The following SEPTIN7 variants were observed in gnomAD, a reference collection of about 807,000 sequenced individuals.
SEPTIN7 encodes the protein septin 7.
In SEPTIN7, 10 loss-of-function variants were observed where a neutral mutation model predicts 63.3. The ratio of observed to expected loss-of-function variants is 0.16; its 90% CI spans 0.10 to 0.27. The LOEUF (loss-of-function observed/expected upper bound fraction) is 0.27. SEPTIN7 is among the 10% of genes least tolerant of loss of function. The pLI is 1.00. For missense variants in SEPTIN7, 310 were observed against 521.0 expected, an observed-to-expected ratio of 0.59 and a Z score of 3.94; for synonymous variants, 131 against 165.3, an observed-to-expected ratio of 0.79 and a Z score of 1.59.
chr7:35,839,069 A>G (rs2115950983), intron 3 of SEPTIN7, among the ~76,000 whole-genome samples: 1 of 152,294 alleles, frequency 6.6e-6, no homozygotes. Flanking sequence ...ATTTAGGGAG[A>G]TAGGCAAACA....
rs188036169 is a variant in SEPTIN7 at position 35,837,637 on chromosome 7, C to G, written c.169+4737C>G. On this transcript the variant is annotated intron_variant, in intron 3 of 13. Coordinates refer to ENST00000350320, the MANE Select transcript of SEPTIN7 (RefSeq NM_001788.6). ...TTGTATGCTCATCAAGTGTTGACAG[C>G]ACTGTTTTTCCTGAATACTGCCAAC... is the stretch of plus-strand genomic sequence containing the variant. Among the ~76,000 whole-genome samples the G allele has an allele frequency of 2.7e-3, 404 of 152,296 alleles. 2 individuals are homozygous for G. The highest frequency in any genetic ancestry group is 9.3e-3 in the African/African-American group (387 of 41,564).
the SEPTIN7 span, among the ~76,000 whole-genome samples, chr7:35,914,689 A>G: frequency 6.6e-6 from 1 of 151,744 alleles, no homozygotes. Flanking sequence ...ACACACATAA[A>G]TATATATAGA....
chr7:35,822,571 G>A (rs1035448639), intron 1 of SEPTIN7, among the ~76,000 whole-genome samples: 46 of 152,202 alleles, frequency 3.0e-4, no homozygotes, highest in African/African-American at 9.6e-4. Context: ...GCGGTAATAC[G>A]AGAGGCTGGA....
At position 35,838,240 on chromosome 7, in the gene SEPTIN7, C is replaced by CTTA. The variant is rs1562536632; in HGVS notation, c.169+5340_169+5341insTTA. ...CTTGATTTTTATATTATCCAAACTT[C>CTTA]CTTCCTTCCTTCCTTCCTTCCTTCC... On this transcript the variant is annotated intron_variant, in intron 3 of 13. Coordinates refer to ENST00000350320, the MANE Select transcript of SEPTIN7 (RefSeq NM_001788.6). 6.8e-3 allele frequency among the ~76,000 whole-genome samples: 238 copies of CTTA among 34,772 alleles called. 17 individuals carry two copies. Among genetic ancestry groups the CTTA allele is most frequent in the African/African-American group, 0.019 (155 of 8,166 alleles). The allele number at this position is 34,772 out of a possible 152,430, so 22.8% of individuals were successfully genotyped here. A position where few individuals can be genotyped will look rare whatever the true frequency, so the allele number is the denominator to read the frequency against.
intron 1 of SEPTIN7, among the ~76,000 whole-genome samples, chr7:35,806,774 A>G (rs982568990): frequency 5.3e-5 from 8 of 152,204 alleles, no homozygotes; most frequent in Admixed American, 6.5e-5. Context: ...ACTCATTTAA[A>G]GTGTTTTTTC....
At chr7:35,875,673 G>A (rs1219527175) in intron 6 of SEPTIN7, among the ~76,000 whole-genome samples, 1 of 152,110 alleles carries the variant, frequency 6.6e-6, no homozygotes, top group African/African-American at 2.4e-5. Context: ...CTTGGAACAT[G>A]AATTTTAAAA....
At chr7:35,851,339 C>T (rs199693728) in intron 3 of SEPTIN7, among the ~76,000 whole-genome samples, 2 of 152,120 alleles carry the variant, frequency 1.3e-5, no homozygotes, top group African/African-American at 4.8e-5. Context: ...CCAGTTATTT[C>T]CCCTTAAACT....
chr7:35,887,656 G>T (rs1175879643), intron 10 of SEPTIN7, among the ~76,000 whole-genome samples: 1 of 152,160 alleles, frequency 6.6e-6, no homozygotes, highest in Non-Finnish European at 1.5e-5. Context: ...CAGCCCAGAG[G>T]CTACTTTGAA....
At chr7:35,877,921 A>G (rs1276275418) in intron 6 of SEPTIN7, among the ~76,000 whole-genome samples, 2 of 152,220 alleles carry the variant, frequency 1.3e-5, no homozygotes, top group African/African-American at 4.8e-5. Context: ...GATACGTTTA[A>G]TAGCGTAGCC....
At chr7:35,845,680 A>G (rs1259476369) in intron 3 of SEPTIN7, among the ~76,000 whole-genome samples, 2 of 152,146 alleles carry the variant, frequency 1.3e-5, no homozygotes, top group African/African-American at 2.4e-5. Flanking sequence ...TGATATGACT[A>G]TTTAGTCTGA....
intron 1 of SEPTIN7, among the ~76,000 whole-genome samples, chr7:35,823,907 A>C (rs992847574): frequency 1.3e-4 from 20 of 152,002 alleles, no homozygotes; most frequent in Non-Finnish European, 2.6e-4. Flanking sequence ...GTACTTAGGG[A>C]AAATCCTGTC....
At chr7:35,867,679 A>T (rs749229077) in intron 4 of SEPTIN7, among the ~76,000 whole-genome samples, 3 of 152,090 alleles carry the variant, frequency 2.0e-5, no homozygotes, top group Non-Finnish European at 2.9e-5. Flanking sequence ...ATCATACTTC[A>T]TGTCACTGAA....
At chr7:35,897,657 T>C (rs1351183590) in intron 11 of SEPTIN7, among the ~76,000 whole-genome samples, 1 of 152,168 alleles carries the variant, frequency 6.6e-6, no homozygotes, top group African/African-American at 2.4e-5. Flanking sequence ...CAGTGAAATA[T>C]TTGAGTTAAG....
intron 8 of SEPTIN7, 140 bp downstream of exon 8, chr7:35,882,716 A>C (rs1294298045): frequency 1.4e-6 from 1 of 718,956 alleles, no homozygotes; most frequent in Non-Finnish European, 1.9e-6. Flanking sequence ...GTTGAATTCA[A>C]CTTTATAGTT....
chr7:35,885,717 T>C (rs1583624205), intron 9 of SEPTIN7, 111 bp from the exon 10 acceptor site: 2 of 770,152 alleles, frequency 2.6e-6, no homozygotes, highest in Non-Finnish European at 4.5e-6. Context: ...AAAATTGATC[T>C]GTTTTGCATT....
chr7:35,802,825 G>A (rs1475044210), intron 1 of SEPTIN7, among the ~76,000 whole-genome samples: 1 of 152,186 alleles, frequency 6.6e-6, no homozygotes, highest in Admixed American at 6.5e-5. Context: ...GGGGTGGTAC[G>A]GTCGTGGCGG....
intron 6 of SEPTIN7, among the ~76,000 whole-genome samples, chr7:35,876,609 G>A (rs1786487437): frequency 6.6e-6 from 1 of 152,160 alleles, no homozygotes; most frequent in Non-Finnish European, 1.5e-5. Flanking sequence ...GACCAAGGCA[G>A]GAGGACCATT....
chr7:35,888,663 T>G (rs1787431409), intron 10 of SEPTIN7, among the ~76,000 whole-genome samples: 1 of 151,708 alleles, frequency 6.6e-6, no homozygotes, highest in South Asian at 2.1e-4. Context: ...CTACTAAAAA[T>G]ACAAGAAATA....
intron 9 of SEPTIN7, among the ~76,000 whole-genome samples, chr7:35,884,254 G>A (rs113198934): frequency 1.7e-4 from 26 of 152,230 alleles, no homozygotes; most frequent in Admixed American, 3.9e-4. Flanking sequence ...AATTCAAAAT[G>A]TGAATTGCTC....
Sources: allele counts gnomAD v4.1 joint callset (sites outside exome capture counted in the v4.1 genomes callset), GRCh38; gene constraint gnomAD v4.1.1; transcripts MANE v1.5; gene names NCBI Gene and HGNC (gene_info 2026-07-23, HGNC 2026-07-21).